Variants in GGA2 observed in about 807,000 individuals in gnomAD.
GGA2 encodes the protein ADP-ribosylation factor-binding protein GGA2.
A neutral mutation model predicts 79.5 loss-of-function variants in GGA2; 48 were observed. The observed-to-expected ratio is 0.60, with a 90% CI of 0.48 to 0.77. The LOEUF is 0.77. Ranked by LOEUF, GGA2 falls within the 30% of genes least tolerant of loss-of-function variation. GGA2 has a pLI of 0.00. For missense variants in GGA2, 770 were observed against 774.0 expected (o/e 0.99, Z 0.06); for synonymous variants, 317 against 302.0 (o/e 1.05, Z -0.51).
intron 1 of GGA2, among the ~76,000 whole-genome samples, chr16:23,509,273 T>C (rs796536815): frequency 2.6e-5 from 4 of 152,330 alleles, no homozygotes; most frequent in African/African-American, 7.2e-5. Flanking sequence ...TCCTGAGCTT[T>C]AGGCTTGCAC....
At chr16:23,504,631 G>A (rs9933261) in intron 1 of GGA2, among the ~76,000 whole-genome samples, 110,304 of 152,088 alleles carry the variant, frequency 0.73, 40,784 homozygotes, top group Middle Eastern at 0.81. Context: ...GGTCTGACCA[G>A]GCCACAGCAA....
intron 13 of GGA2, 127 bp from the exon 14 acceptor site, chr16:23,475,188 C>CT: frequency 2.0e-6 from 1 of 491,404 alleles, no homozygotes; most frequent in East Asian, 3.8e-5. Context: ...ATGTTATATG[C>CT]CTTTTTTTTT....
Position 23,465,168 on chromosome 16 carries a change from CAG to C in GGA2, c.*2420_*2421del, listed in dbSNP as rs991486863. ...GGTCAACAACTAGCTTTTAAAAAAA[CAG>C]AGACACGGTCTCACTATGTAGCCCA... On this transcript the variant is annotated 3_prime_UTR_variant, in exon 17 of 17. Transcript: ENST00000309859. The C allele has an allele frequency of 6.2e-5, 37 of 593,786 alleles. No homozygotes were observed. In the African/African-American group the frequency reaches 6.3e-4, roughly 10 times the overall value. 36.8% of individuals were successfully genotyped at this position (593,786 alleles called of 1,614,324 possible).
At chr16:23,503,728 T>C (rs547814351) in intron 1 of GGA2, among the ~76,000 whole-genome samples, 2 of 152,308 alleles carry the variant, frequency 1.3e-5, no homozygotes, top group East Asian at 3.9e-4. Context: ...CGGATTTTCC[T>C]ATGGGGGGAA....
chr16:23,521,959 T>C, exon 1 of GGA2: 2 of 380,562 alleles, frequency 5.3e-6, no homozygotes, highest in Non-Finnish European at 1.1e-5. Context: ...TTTAGTTAAC[T>C]TTTCAGAACC....
chr16:23,483,135 C>G (rs1310334547), intron 8 of GGA2, 131 bp from the exon 9 acceptor site: 10 of 650,838 alleles, frequency 1.5e-5, no homozygotes, highest in Non-Finnish European at 2.2e-5. Flanking sequence ...ATGGTCCTGA[C>G]TTAGAGACTG....
At chr16:23,519,369 C>G (rs1052778901) in intron 2 of GGA2, among the ~76,000 whole-genome samples, 16 of 152,172 alleles carry the variant, frequency 1.1e-4, no homozygotes, top group Admixed American at 9.2e-4. Context: ...CTAAACAACA[C>G]CGAAAAAGAA....
chr16:23,493,247 C>G, intron 4 of GGA2, 113 bp downstream of exon 4: 1 of 702,972 alleles, frequency 1.4e-6, no homozygotes, highest in South Asian at 1.6e-5. Flanking sequence ...CTTTCACAGG[C>G]AGGAGCAGGT....
At chr16:23,490,032 A>G (rs570173974) in intron 5 of GGA2, among the ~76,000 whole-genome samples, 1 of 152,258 alleles carries the variant, frequency 6.6e-6, no homozygotes, top group Admixed American at 6.5e-5. Flanking sequence ...CAGAACAGAG[A>G]CTGGCCCTGC....
chr16:23,507,900 C>T (rs753860820), intron 1 of GGA2, among the ~76,000 whole-genome samples: 3 of 152,068 alleles, frequency 2.0e-5, no homozygotes, highest in Non-Finnish European at 2.9e-5. Flanking sequence ...GGGTAAGCTG[C>T]AGTGAGCTGA....
intron 9 of GGA2, among the ~76,000 whole-genome samples, chr16:23,481,429 G>A (rs983495440): frequency 6.6e-6 from 1 of 152,080 alleles, no homozygotes; most frequent in African/African-American, 2.4e-5. Context: ...GGGATGCCAC[G>A]AGCAAAACTG....
intron 1 of GGA2, among the ~76,000 whole-genome samples, chr16:23,521,525 A>G (rs1965142319): frequency 6.6e-6 from 1 of 151,930 alleles, no homozygotes; most frequent in Non-Finnish European, 1.5e-5. Context: ...TAGTCTCCCA[A>G]GTAGCTGGGA....
chr16:23,513,284 G>A (rs988400603), upstream of GGA2, among the ~76,000 whole-genome samples: 3 of 144,466 alleles, frequency 2.1e-5, no homozygotes, highest in African/African-American at 7.6e-5. Context: ...TGAACTCAAA[G>A]ACAGTGGAAA....
chr16:23,508,711 A>T (rs1472712582), intron 1 of GGA2, among the ~76,000 whole-genome samples: 1 of 152,130 alleles, frequency 6.6e-6, no homozygotes, highest in African/African-American at 2.4e-5. Flanking sequence ...CCGCAAGCTC[A>T]CTGCCAATGA....
In GGA2 at chr16:23,480,703, G is replaced by A. The variant is rs1964636524; in HGVS notation, c.948C>T (p.Gly316=). ...TCACTCTGTTTCCAAAGGTGACCCGGCCCTCCATCACCTGTTTGTACAGCA... is the reference window on the plus strand; with the variant it reads ...TCACTCTGTTTCCAAAGGTGACCCGACCCTCCATCACCTGTTTGTACAGCA... ...GVLLYKQVME[G]RVTFGNRVTS... is the part of the protein sequence containing the mutation. Residue 316 remains glycine, a synonymous_variant, in exon 10 of 17, where the codon GGC becomes GGT. Coordinates refer to ENST00000309859, the MANE Select transcript of GGA2 (RefSeq NM_015044.4). The A allele has an allele frequency of 6.2e-7, 1 of 1,613,220 alleles. No individual in the cohort carries two copies. The highest frequency in any genetic ancestry group is 8.5e-7 in the Non-Finnish European group (1 of 1,179,130).
intron 15 of GGA2, 154 bp from the exon 16 acceptor site, chr16:23,469,150 C>T: frequency 3.6e-6 from 2 of 552,138 alleles, no homozygotes; most frequent in South Asian, 4.4e-5. Context: ...GGAGCCCAAG[C>T]AGACAGACTC....
chr16:23,487,727 G>A (rs1446449629), intron 6 of GGA2, among the ~76,000 whole-genome samples: 1 of 152,040 alleles, frequency 6.6e-6, no homozygotes, highest in Non-Finnish European at 1.5e-5. Context: ...CACCAAGCAG[G>A]AGGAAAGCGG....
intron 2 of GGA2, chr16:23,495,413 A>G (rs1964842609): frequency 4.2e-6 from 1 of 235,828 alleles, no homozygotes; most frequent in Admixed American, 5.5e-5. Context: ...TAGAAAAATA[A>G]TGTTCTCAGG....
chr16:23,513,210 T>G (rs1965083962), upstream of GGA2, among the ~76,000 whole-genome samples: 3 of 152,148 alleles, frequency 2.0e-5, no homozygotes, highest in South Asian at 6.2e-4. Context: ...CTTTAACATT[T>G]TTACATTGTT....
Sources: gnomAD v4.1 joint callset for allele counts (sites outside exome capture counted in the v4.1 genomes callset) on GRCh38, gnomAD v4.1.1 for gene constraint, MANE v1.5 for transcripts, NCBI Gene and HGNC (gene_info 2026-07-23, HGNC 2026-07-21) for gene names.